PCYT1A: variants seen among roughly 807,000 people sequenced by gnomAD.
PCYT1A encodes phosphate cytidylyltransferase 1A, choline.
A neutral mutation model predicts 43.7 loss-of-function variants in PCYT1A; 25 were observed. That is an observed-to-expected ratio of 0.57 (90% CI 0.42 to 0.80). The LOEUF is 0.80. PCYT1A is among the 30% of genes least tolerant of loss of function. The probability of loss-of-function intolerance (pLI) is 0.00; values close to 1 mark genes in which losing one functional copy is unlikely to be tolerated. For synonymous variants in PCYT1A, 172 were observed against 170.7 expected, an observed-to-expected ratio of 1.01 and a Z score of -0.06; for missense variants, 421 against 474.2, an observed-to-expected ratio of 0.89 and a Z score of 1.04.
intron 2 of PCYT1A, among the ~76,000 whole-genome samples, chr3:196,259,706 G>A (rs533029630): frequency 2.6e-5 from 4 of 151,544 alleles, no homozygotes; most frequent in East Asian, 2.0e-4. Context: ...TTAGCTGGGC[G>A]TGGTGACACA....
In PCYT1A at chr3:196,238,854, G is replaced by A. The variant is rs571188438; in HGVS notation, c.938C>T (p.Ala313Val). The A allele has an allele frequency of 6.7e-5, 101 of 1,513,004 alleles. No homozygotes were observed. The Admixed American group carries it at 9.0e-4, about 13-fold the overall frequency. 93.7% of individuals were successfully genotyped at this position (1,513,004 alleles called of 1,614,324 possible). The change falls in exon 9 of 9, where the codon GCC becomes GTC. Residue 313 changes from alanine (A) to valine (V), a missense_variant. Around this residue, in one of 3 missense-constraint regions of PCYT1A, gnomAD observed 108 missense variants for 85.7 expected, o/e 1.26. Coordinates refer to ENST00000431016, the MANE Select transcript of PCYT1A (RefSeq NM_001312673.2). ...LKEGKGRMLQ[A>V]ISPKQSPSSS... ...GCTGGGGCTCTGCTTCGGGCTGATG[G>A]CCTGCAGCATCCGGCCCTTCCCCTC... is the stretch of plus-strand genomic sequence containing the variant.
At chr3:196,285,494 C>T (rs992651448) in intron 1 of PCYT1A, among the ~76,000 whole-genome samples, 15 of 151,870 alleles carry the variant, frequency 9.9e-5, no homozygotes, top group Admixed American at 9.9e-4. Flanking sequence ...ATAAAAAGGG[C>T]TGTAAGAGAG....
chr3:196,242,041 G>T lies in PCYT1A; in HGVS notation c.615C>A (p.Ile205=). Residue 205 remains isoleucine, a synonymous_variant, in exon 7 of 9, where the codon ATC becomes ATA. Transcript: ENST00000431016. The surrounding 1 kb of genome is among the most constrained non-coding windows in gnomAD (Gnocchi z 4.2). ...QRTEGISTSD[I]ITRIVRDYDV... Reference sequence around the variant, plus strand: ...CATAATCCCGCACAATTCGGGTGATGATGTCTGATGTGGAGATACCTTCTG... The same window carrying T: ...CATAATCCCGCACAATTCGGGTGATTATGTCTGATGTGGAGATACCTTCTG... 1.2e-6 allele frequency: 2 copies of T among 1,614,090 alleles called. No individual in the cohort carries two copies. The highest frequency in any genetic ancestry group is 1.7e-6 in the Non-Finnish European group (2 of 1,179,980).
intron 3 of PCYT1A, among the ~76,000 whole-genome samples, chr3:196,256,810 G>A (rs1188955528): frequency 6.6e-6 from 1 of 152,152 alleles, no homozygotes; most frequent in African/African-American, 2.4e-5. Context: ...CCAAAGTGCT[G>A]GGATTACAGG....
In PCYT1A at chr3:196,255,915, A is replaced by G. The variant is rs1330900154; in HGVS notation, c.217+1873T>C. 2.6e-5 allele frequency among the ~76,000 whole-genome samples: 4 copies of G among 152,146 alleles called. No individual in the cohort carries two copies. In the South Asian group the frequency reaches 6.2e-4, roughly 24 times the overall value. Reference sequence around the variant, plus strand: ...TATCACATCTGAATGTGAACCCTGAACTATCTTCTGGCGTTTTGAAGTTAG... The same window carrying G: ...TATCACATCTGAATGTGAACCCTGAGCTATCTTCTGGCGTTTTGAAGTTAG... On this transcript the variant is annotated intron_variant, in intron 3 of 8. Transcript: ENST00000431016.
At chr3:196,245,206 G>C (rs1724524406) in intron 5 of PCYT1A, among the ~76,000 whole-genome samples, 1 of 150,486 alleles carries the variant, frequency 6.6e-6, no homozygotes, top group Non-Finnish European at 1.5e-5. Flanking sequence ...TAGTGGCACA[G>C]TCTCGGCTCA....
chr3:196,265,603 C>T (rs905874416), intron 2 of PCYT1A, among the ~76,000 whole-genome samples: 1 of 152,154 alleles, frequency 6.6e-6, no homozygotes, highest in African/African-American at 2.4e-5. Flanking sequence ...CCTTTCTTTA[C>T]ATGCAAGGAA....
At chr3:196,274,785 C>A (rs1368910605) in intron 1 of PCYT1A, among the ~76,000 whole-genome samples, 1 of 152,186 alleles carries the variant, frequency 6.6e-6, no homozygotes, top group Non-Finnish European at 1.5e-5. Flanking sequence ...TTCTTAGAAG[C>A]TGAAGGTGAC....
Position 196,248,233 on chromosome 3 carries a change from A to G in PCYT1A, c.308T>C (p.Phe103Ser). 6.2e-7 allele frequency: 1 copy of G among 1,608,448 alleles called. No individual in the cohort carries two copies. Among genetic ancestry groups the G allele is most frequent in the Non-Finnish European group, 8.5e-7 (1 of 1,174,804 alleles). The change falls in exon 4 of 9, where the codon TTC (phenylalanine) becomes TCC (serine). Residue 103 changes from phenylalanine to serine, a missense_variant. Physicochemically the swap from Phe to Ser is radical, Grantham distance 155. Around this residue, in one of 3 missense-constraint regions of PCYT1A, gnomAD observed 174 missense variants for 270.7 expected, o/e 0.64. Transcript: ENST00000431016. The part of the protein sequence containing the change: ...ARALMQAKNL[F>S]PNTYLIVGVC... ...TCCCACAATGAGGTACGTATTAGGG[A>G]AAAGGTTCTTCGCTTGCATCAGAGC...
chr3:196,270,622 T>C, intron 1 of PCYT1A, 81 bp from the exon 2 acceptor site: 2 of 885,466 alleles, frequency 2.3e-6, no homozygotes, highest in Non-Finnish European at 3.9e-6. Flanking sequence ...GACGTTGACG[T>C]GGATACACTC....
chr3:196,245,064 G>A (rs1368020214), intron 5 of PCYT1A, among the ~76,000 whole-genome samples: 8 of 150,318 alleles, frequency 5.3e-5, no homozygotes, highest in African/African-American at 1.2e-4. Context: ...CCCCCTCTGC[G>A]AGAAACACCC....
chr3:196,247,397 C>T lies in PCYT1A; in HGVS notation c.456G>A (p.Thr152=), dbSNP rs779806487. ...VDEVVRNAPW[T]LTPEFLAEHR... ...GTTCGGCCAGGAACTCGGGTGTCAG[C>T]GTCCAGGGCGCATTCCTCACCACCT... Residue 152 remains threonine (T), a synonymous_variant, in exon 5 of 9, where the codon ACG becomes ACA. Transcript: ENST00000431016. This position sits in a 1 kb window ranked among gnomAD's most constrained non-coding sequence, Gnocchi z 4.8. The T allele has an allele frequency of 5.6e-6, 9 of 1,614,070 alleles. No homozygotes were observed. The highest frequency in any genetic ancestry group is 4.5e-5 in the East Asian group (2 of 44,904).
intron 2 of PCYT1A, among the ~76,000 whole-genome samples, chr3:196,265,163 A>C (rs1725229736): frequency 6.6e-6 from 1 of 151,974 alleles, no homozygotes; most frequent in East Asian, 1.9e-4. Flanking sequence ...TCCTGGGTTC[A>C]AGCCATTCTC....
rs540505206 is a variant in PCYT1A, at chr3:196,236,195, G to C, written c.*2493C>G. 2 of 152,324 alleles carry C rather than the reference G, an allele frequency of 1.3e-5. No individual in the cohort carries two copies. The highest frequency in any genetic ancestry group is 3.9e-4 in the East Asian group (2 of 5,190). 9.4% of individuals were successfully genotyped at this position (152,324 alleles called of 1,614,324 possible). A position where few individuals can be genotyped will look rare whatever the true frequency, so the allele number is the denominator to read the frequency against. On this transcript the variant is annotated 3_prime_UTR_variant, in exon 9 of 9. Transcript: ENST00000431016. The stretch of plus-strand genomic sequence containing the variant: ...TGGGACCCAGACAATATATTTAGGA[G>C]GTATGGCTCCAATAGGGAGGGAGGA...
At chr3:196,246,160 T>G (rs139130889) in intron 5 of PCYT1A, among the ~76,000 whole-genome samples, 1,669 of 152,290 alleles carry the variant, frequency 0.011, 111 homozygotes, top group Admixed American at 0.086. Flanking sequence ...ATAAAAGGTC[T>G]GTCCTAATCC....
intron 3 of PCYT1A, among the ~76,000 whole-genome samples, chr3:196,256,963 C>T (rs964163261): frequency 2.0e-5 from 3 of 152,174 alleles, no homozygotes; most frequent in Non-Finnish European, 2.9e-5. Context: ...GGCTATAAAT[C>T]CCTCTTATTC....
chr3:196,235,706 C>A lies in PCYT1A; in HGVS notation c.*2982G>T, dbSNP rs924668478. 6.6e-6 allele frequency: 1 copy of A among 152,248 alleles called. No individual in the cohort carries two copies. The highest frequency in any genetic ancestry group is 1.5e-5 in the Non-Finnish European group (1 of 68,060). 9.4% of individuals were successfully genotyped at this position (152,248 alleles called of 1,614,324 possible). On this transcript the variant is annotated 3_prime_UTR_variant, in exon 9 of 9. Coordinates refer to ENST00000431016, the MANE Select transcript of PCYT1A (RefSeq NM_001312673.2). The surrounding 1 kb of genome is among the most constrained non-coding windows in gnomAD (Gnocchi z 4.3). The stretch of plus-strand genomic sequence containing the variant: ...AACACTTCTGGCTCTCTCATCTTGG[C>A]CACATTTGGCCCACCCATGTTGACT...
Position 196,238,853 on chromosome 3 carries a change from G to T in PCYT1A, c.939C>A (p.Ala313=). The change falls in exon 9 of 9, where the codon GCC becomes GCA. Residue 313 remains alanine (A), a synonymous_variant. Transcript: ENST00000431016. ...TGCTGGGGCTCTGCTTCGGGCTGAT[G>T]GCCTGCAGCATCCGGCCCTTCCCCT... The part of the protein sequence containing the change: ...LKEGKGRMLQ[A]ISPKQSPSSS... 6.6e-7 allele frequency: 1 copy of T among 1,513,742 alleles called. No homozygotes were observed. The highest frequency in any genetic ancestry group is 2.5e-5 in the East Asian group (1 of 40,006). The allele number at this position is 1,513,742 out of a possible 1,614,324, so 93.8% of individuals were successfully genotyped here. A position where few individuals can be genotyped will look rare whatever the true frequency, so the allele number is the denominator to read the frequency against.
In PCYT1A at chr3:196,249,030, G is replaced by C. The variant is rs369274269; in HGVS notation, c.218-707C>G. Among the ~76,000 whole-genome samples the C allele has an allele frequency of 1.6e-4, 25 of 152,254 alleles. 1 individual carries two copies. In the South Asian group the frequency reaches 5.2e-3, roughly 32 times the overall value. On this transcript the variant is annotated intron_variant, in intron 3 of 8. Transcript: ENST00000431016. The stretch of plus-strand genomic sequence containing the variant: ...CCGCCTAAGCCTCCCAAAGTGCTGG[G>C]ATTACAGGTGTGAGCAACCGCGCCC...
Sources: gnomAD v4.1 joint callset for allele counts (sites outside exome capture counted in the v4.1 genomes callset) on GRCh38, gnomAD v4.1.1 for gene constraint, gnomAD v4.1.1 regional missense constraint, Gnocchi (gnomAD v3.1) non-coding constraint, MANE v1.5 for transcripts, NCBI Gene and HGNC (gene_info 2026-07-23, HGNC 2026-07-21) for gene names.